Variants in TNKS observed in about 807,000 individuals in gnomAD.
TNKS encodes the protein tankyrase, also known as poly [ADP-ribose] polymerase tankyrase-1.
A neutral mutation model predicts 135.8 loss-of-function variants in TNKS; 72 were observed. The ratio of observed to expected loss-of-function variants is 0.53; its 90% CI spans 0.44 to 0.64. The LOEUF is 0.64. TNKS is among the 30% of genes least tolerant of loss of function. The pLI is 0.00. For missense variants in TNKS, 1,769 were observed against 1,674.0 expected (o/e 1.06, Z -0.99); for synonymous variants, 849 against 649.3 (o/e 1.31, Z -4.68).
intron 1 of TNKS, among the ~76,000 whole-genome samples, chr8:9,563,258 C>G (rs1002561104): frequency 6.6e-6 from 1 of 152,118 alleles, no homozygotes; most frequent in Non-Finnish European, 1.5e-5. Context: ...TGATAACTGT[C>G]ACTTTCTTTT....
Position 9,764,409 on chromosome 8 carries a change from AGT to A in TNKS, c.3373-304_3373-303del, listed in dbSNP as rs199953788. ...AGGAGTTTTTGTTTGACTTAATCAG[AGT>A]GTTAGTTCTTCTTCTCAATAAGATA... is the stretch of plus-strand genomic sequence containing the variant. On this transcript the variant is annotated intron_variant, in intron 22 of 26. Transcript: ENST00000310430. 1.3e-3 allele frequency among the ~76,000 whole-genome samples: 194 copies of A among 152,240 alleles called. 4 individuals carry two copies. The East Asian group carries it at 0.031, about 24-fold the overall frequency.
intron 2 of TNKS, among the ~76,000 whole-genome samples, chr8:9,598,355 T>C (rs34679455): frequency 0.1 from 15,581 of 152,208 alleles, 1,146 homozygotes; most frequent in East Asian, 0.22. Flanking sequence ...CCAGTAATGA[T>C]ATACTTTCTT....
At chr8:9,715,537 C>G (rs1421504577) in intron 11 of TNKS, among the ~76,000 whole-genome samples, 1 of 151,974 alleles carries the variant, frequency 6.6e-6, no homozygotes, top group Non-Finnish European at 1.5e-5. Context: ...CCTCCCAGTA[C>G]CCCCCATCTC....
chr8:9,649,663 C>T (rs1801064655), intron 3 of TNKS, among the ~76,000 whole-genome samples: 1 of 151,546 alleles, frequency 6.6e-6, no homozygotes, highest in Admixed American at 6.6e-5. Context: ...TCCATTATGT[C>T]ATTCTTATGC....
chr8:9,722,119 A>C (rs1479758624), intron 12 of TNKS, among the ~76,000 whole-genome samples: 1 of 152,094 alleles, frequency 6.6e-6, no homozygotes, highest in African/African-American at 2.4e-5. Flanking sequence ...GGAAAATAGC[A>C]GTAAGTTACA....
chr8:9,640,589 G>A (rs1374648444), intron 3 of TNKS, among the ~76,000 whole-genome samples: 1 of 146,000 alleles, frequency 6.8e-6, no homozygotes, highest in Non-Finnish European at 1.5e-5. Flanking sequence ...TATATGCACG[G>A]TAATGATTAA....
At chr8:9,625,877 G>C (rs934329283) in intron 3 of TNKS, among the ~76,000 whole-genome samples, 17 of 152,114 alleles carry the variant, frequency 1.1e-4, no homozygotes, top group African/African-American at 4.1e-4. Context: ...TGTATTTTCT[G>C]ATGTTTTTGG....
At chr8:9,667,282 C>G (rs928840756) in intron 3 of TNKS, among the ~76,000 whole-genome samples, 1 of 152,176 alleles carries the variant, frequency 6.6e-6, no homozygotes, top group Admixed American at 6.5e-5. Flanking sequence ...ATTTAAGAAA[C>G]TGCTGTATAT....
rs368137963 is a variant in TNKS, at chr8:9,679,932, A to G, written c.995-19A>G. ...TCTTCTGCCAAATGCTAACAGCATG[A>G]TATTTTGCAATCATCTAGGTGAATA... On this transcript the variant is annotated intron_variant, in intron 3 of 26. Coordinates refer to ENST00000310430, the MANE Select transcript of TNKS (RefSeq NM_003747.3). 4.3e-5 allele frequency: 69 copies of G among 1,606,144 alleles called. 1 individual carries two copies. The highest frequency in any genetic ancestry group is 1.8e-4 in the Admixed American group (11 of 59,968).
chr8:9,611,772 G>T (rs865927459), intron 2 of TNKS, among the ~76,000 whole-genome samples: 31 of 152,332 alleles, frequency 2.0e-4, no homozygotes, highest in African/African-American at 7.0e-4. Flanking sequence ...ACTTTAGGAT[G>T]AAATTCTATT....
chr8:9,705,038 A>G (rs1803984147), intron 6 of TNKS, among the ~76,000 whole-genome samples: 1 of 152,210 alleles, frequency 6.6e-6, no homozygotes. Flanking sequence ...CTTAAATTGC[A>G]TTTTAGAAAA....
At chr8:9,751,256 A>G (rs1215274511) in intron 18 of TNKS, among the ~76,000 whole-genome samples, 1 of 152,254 alleles carries the variant, frequency 6.6e-6, no homozygotes, top group East Asian at 1.9e-4. Flanking sequence ...TTAATTGTAC[A>G]TGAAATTATT....
At position 9,751,633 on chromosome 8, in the gene TNKS, A is replaced by G. The variant is rs1355792657; in HGVS notation, c.2857A>G (p.Ile953Val). ...GGCTGACGATATCAGAGCTTTGCTGATAGATGCCATGCCCCCAGAGGCCTT... is the reference window on the plus strand; with the variant it reads ...GGCTGACGATATCAGAGCTTTGCTGGTAGATGCCATGCCCCCAGAGGCCTT... ...ATADDIRALL[I>V]DAMPPEALPT... Residue 953 changes from isoleucine to valine, a missense_variant, in exon 19 of 27, where the codon ATA (isoleucine) becomes GTA (valine). Physicochemically the swap from Ile to Val is conservative, Grantham distance 29. Around this residue, in one of 5 missense-constraint regions of TNKS, gnomAD observed 722 missense variants for 688.9 expected, o/e 1.05. Transcript: ENST00000310430. 1.9e-6 allele frequency: 3 copies of G among 1,614,118 alleles called. No homozygotes were observed. The highest frequency in any genetic ancestry group is 3.3e-5 in the Admixed American group (2 of 60,008).
intron 12 of TNKS, among the ~76,000 whole-genome samples, chr8:9,723,227 A>G (rs1804989369): frequency 6.6e-6 from 1 of 151,200 alleles, no homozygotes; most frequent in Non-Finnish European, 1.5e-5. Flanking sequence ...TATTTTTACC[A>G]GGAATTTGTA....
Position 9,580,151 on chromosome 8 carries a change from C to G in TNKS, c.674-8C>G. On this transcript the variant is annotated splice_region_variant and splice_polypyrimidine_tract_variant and intron_variant, in intron 1 of 26. Coordinates refer to ENST00000310430, the MANE Select transcript of TNKS (RefSeq NM_003747.3). ...ATATATACAAGACATTTTTTCGTTT[C>G]TTTTTAGGTTTTGGAAGGAAGGATG... 6.2e-7 allele frequency: 1 copy of G among 1,603,376 alleles called. No individual in the cohort carries two copies. Among genetic ancestry groups the G allele is most frequent in the Non-Finnish European group, 8.5e-7 (1 of 1,176,368 alleles).
At chr8:9,657,673 C>T (rs1318722418) in intron 3 of TNKS, among the ~76,000 whole-genome samples, 14 of 83,158 alleles carry the variant, frequency 1.7e-4, no homozygotes, top group Non-Finnish European at 3.1e-4. Flanking sequence ...ATCTCCCTCC[C>T]GGACGGGGTG....
chr8:9,633,570 C>T (rs545028078), intron 3 of TNKS, among the ~76,000 whole-genome samples: 7 of 152,330 alleles, frequency 4.6e-5, no homozygotes, highest in African/African-American at 1.4e-4. Flanking sequence ...ATAGTCCCCT[C>T]CCACATTGTA....
intron 22 of TNKS, 31 bp from the exon 23 acceptor site, chr8:9,764,685 T>C (rs1807330090): frequency 6.4e-7 from 1 of 1,555,850 alleles, no homozygotes; most frequent in South Asian, 1.2e-5. Context: ...CACTGGGATG[T>C]TTTTATAAAA....
At chr8:9,741,905 TCTC>T in intron 17 of TNKS, 1 of 231,172 alleles carries the variant, frequency 4.3e-6, no homozygotes, top group Non-Finnish European at 9.8e-6. Flanking sequence ...TAACTCCCCT[TCTC>T]CTTTTCTAAC....
Sources: gnomAD v4.1 joint callset for allele counts (sites outside exome capture counted in the v4.1 genomes callset) on GRCh38, gnomAD v4.1.1 for gene constraint, gnomAD v4.1.1 regional missense constraint, MANE v1.5 for transcripts, NCBI Gene and HGNC (gene_info 2026-07-23, HGNC 2026-07-21) for gene names.